The following TMSB15B variants were observed in gnomAD, a reference collection of about 807,000 sequenced individuals.
TMSB15B encodes the protein thymosin beta 15B.
At chrX:103,932,238 T>A (rs2147819153) in intron 1 of TMSB15B, 1 of 111,919 alleles carries the variant, frequency 8.9e-6, no homozygotes. Context: ...TTGCGACTGG[T>A]GTCTGAAGGG....
At chrX:103,925,250 CAATT>C (rs1337934384) in intron 1 of TMSB15B, among the ~76,000 whole-genome samples, 1 of 112,195 alleles carries the variant, frequency 8.9e-6, no homozygotes, top group Non-Finnish European at 1.9e-5. Flanking sequence ...CAAGGTCACA[CAATT>C]AAGTAAGTGG....
At chrX:103,923,034 A>G in intron 1 of TMSB15B, among the ~76,000 whole-genome samples, 1 of 111,794 alleles carries the variant, frequency 8.9e-6, no homozygotes, top group East Asian at 2.8e-4. Flanking sequence ...TCCTTCACCC[A>G]CTTTTTGATG....
chrX:103,927,737 G>A (rs1556319115), intron 1 of TMSB15B, among the ~76,000 whole-genome samples: 5 of 106,036 alleles, frequency 4.7e-5, no homozygotes, highest in East Asian at 5.9e-4. Flanking sequence ...GTTTTATGTC[G>A]TGAAAGTTGA....
chrX:103,920,428 G>T (rs1556317477), intron 1 of TMSB15B, among the ~76,000 whole-genome samples: 1 of 112,027 alleles, frequency 8.9e-6, no homozygotes, highest in Non-Finnish European at 1.9e-5. Context: ...AGAGATTCGT[G>T]AACCACTGTT....
At chrX:103,922,241 G>A (rs1401194252) in intron 1 of TMSB15B, among the ~76,000 whole-genome samples, 1 of 109,253 alleles carries the variant, frequency 9.2e-6, no homozygotes, top group African/African-American at 3.3e-5. Flanking sequence ...AAGTTCTAGG[G>A]TACATATGCA....
chrX:103,927,808 G>A (rs1433856599), intron 1 of TMSB15B, among the ~76,000 whole-genome samples: 1 of 110,067 alleles, frequency 9.1e-6, no homozygotes, highest in African/African-American at 3.3e-5. Flanking sequence ...ATCCTTCTTT[G>A]AATATTGGAA....
intron 1 of TMSB15B, among the ~76,000 whole-genome samples, chrX:103,943,844 G>A (rs2075018524): frequency 8.9e-6 from 1 of 111,987 alleles, no homozygotes; most frequent in Non-Finnish European, 1.9e-5. Context: ...CAATTCAAAT[G>A]TCATTTCCTC....
chrX:103,929,079 A>G lies in TMSB15B; in HGVS notation c.-721+9787A>G, dbSNP rs782005913. ...CTGAATCTTCCCTGGTTGGTTCTAT[A>G]TAGCTTACTTCTTTGGCTCGGTTGC... On this transcript the variant is annotated intron_variant, in intron 1 of 3. Coordinates refer to the TMSB15B transcript ENST00000419165. The G allele has an allele frequency of 2.0e-5, 19 of 937,337 alleles. No individual in the cohort carries two copies. In the African/African-American group the frequency reaches 3.3e-4, roughly 16 times the overall value. The allele number at this position is 937,337 out of a possible 1,213,427, so 77.2% of individuals were successfully genotyped here. A position where few individuals can be genotyped will look rare whatever the true frequency, so the allele number is the denominator to read the frequency against.
intron 1 of TMSB15B, among the ~76,000 whole-genome samples, chrX:103,933,193 G>C (rs782509285): frequency 3.6e-5 from 4 of 111,433 alleles, no homozygotes; most frequent in Non-Finnish European, 7.5e-5. Flanking sequence ...GAGAGAAAAA[G>C]CATAATAAAT....
At chrX:103,936,742 C>A (rs1475831518) in intron 1 of TMSB15B, among the ~76,000 whole-genome samples, 3 of 112,310 alleles carry the variant, frequency 2.7e-5, no homozygotes, top group African/African-American at 6.5e-5. Context: ...AAAGGGAACA[C>A]TTCCAGCTTT....
chrX:103,928,219 T>C (rs1556319264), intron 1 of TMSB15B: 2 of 1,198,838 alleles, frequency 1.7e-6, no homozygotes. Flanking sequence ...ACTCTATGTC[T>C]ACTTTTCTGA....
chrX:103,933,482 C>T (rs2074989582), intron 1 of TMSB15B, among the ~76,000 whole-genome samples: 2 of 111,516 alleles, frequency 1.8e-5, no homozygotes, highest in South Asian at 7.5e-4. Flanking sequence ...TAATAACCTA[C>T]TCCTCTCCCC....
intron 1 of TMSB15B, among the ~76,000 whole-genome samples, chrX:103,948,181 A>T (rs1556327722): frequency 3.6e-5 from 4 of 112,074 alleles, no homozygotes; most frequent in South Asian, 3.8e-4. Flanking sequence ...CAGAACTTAA[A>T]GTCAATTTAA....
At chrX:103,928,804 G>A in intron 1 of TMSB15B, 11 of 1,196,081 alleles carry the variant, frequency 9.2e-6, no homozygotes, top group Non-Finnish European at 1.2e-5. Flanking sequence ...TGTGCTGGCT[G>A]CTAATATGCA....
intron 1 of TMSB15B, among the ~76,000 whole-genome samples, chrX:103,930,725 G>GATAATAATA (rs10681462): frequency 1.9e-3 from 177 of 93,055 alleles, no homozygotes; most frequent in Admixed American, 4.0e-3. Flanking sequence ...TGATGCTGTT[G>GATAATAATA]ATAATAATAA....
intron 1 of TMSB15B, among the ~76,000 whole-genome samples, chrX:103,951,421 T>C (rs782189301): frequency 6.3e-5 from 7 of 111,655 alleles, no homozygotes; most frequent in Admixed American, 9.5e-5. Flanking sequence ...TTAGTTAGGA[T>C]ATGGAGGCAG....
chrX:103,929,247 G>T (rs782440021), intron 1 of TMSB15B, among the ~76,000 whole-genome samples: 2 of 112,044 alleles, frequency 1.8e-5, no homozygotes, highest in African/African-American at 6.5e-5. Flanking sequence ...AGCTTCAGTA[G>T]CCTCAGAGCC....
intron 1 of TMSB15B, among the ~76,000 whole-genome samples, chrX:103,923,531 G>A (rs1243584982): frequency 3.6e-5 from 4 of 111,061 alleles, no homozygotes; most frequent in African/African-American, 1.3e-4. Context: ...GGTATTATTT[G>A]TGAGGGCTGT....
intron 1 of TMSB15B, among the ~76,000 whole-genome samples, chrX:103,935,695 A>G (rs1386050845): frequency 1.8e-5 from 2 of 110,822 alleles, no homozygotes; most frequent in Non-Finnish European, 3.8e-5. Flanking sequence ...CCATTGGTCT[A>G]TATATCTGTT....
Sources: gnomAD v4.1 joint callset for allele counts (sites outside exome capture counted in the v4.1 genomes callset) on GRCh38, gnomAD v4.1.1 for gene constraint, MANE v1.5 for transcripts, NCBI Gene and HGNC (gene_info 2026-07-23, HGNC 2026-07-21) for gene names.